The following CSF2RA variants were observed in gnomAD, a reference collection of about 807,000 sequenced individuals.
CSF2RA encodes the protein granulocyte-macrophage colony-stimulating factor receptor subunit alpha.
In CSF2RA, 42 loss-of-function variants were observed where a neutral mutation model predicts 51.6. The observed-to-expected ratio is 0.81, with a 90% CI of 0.64 to 1.05. The LOEUF (loss-of-function observed/expected upper bound fraction) is 1.05, where lower values mean the gene tolerates loss of function less well. Ranked by LOEUF, CSF2RA falls within the 50% of genes least tolerant of loss-of-function variation. The pLI is 0.00. For missense variants in CSF2RA, 530 were observed against 501.1 expected (o/e 1.06, Z -0.55); for synonymous variants, 222 against 193.0 (o/e 1.15, Z -1.24).
intron 7 of CSF2RA, among the ~76,000 whole-genome samples, chrX:1,293,607 G>C (rs2091610439): frequency 6.6e-6 from 1 of 152,130 alleles, no homozygotes; most frequent in Non-Finnish European, 1.5e-5. Flanking sequence ...GACAGGAGGA[G>C]ACCCTGCCCC....
At chrX:1,314,982 T>TCCCACTGCACCTGCCCAAC (rs2084504473), downstream of CSF2RA, among the ~76,000 whole-genome samples, 2 of 37,626 alleles carry the variant, frequency 5.3e-5, no homozygotes, top group East Asian at 1.7e-3. Flanking sequence ...GCCTGCCCAA[T>TCCCACTGCACCTGCCCAAC]CGCACTGCAC....
chrX:1,311,604 T>G (rs1569514273), downstream of CSF2RA, among the ~76,000 whole-genome samples: 1 of 151,994 alleles, frequency 6.6e-6, no homozygotes, highest in African/African-American at 2.4e-5. Flanking sequence ...CGGCTACTTT[T>G]TTTTGTTTTG....
At chrX:1,321,240 C>T in the CSF2RA span, among the ~76,000 whole-genome samples, 11 of 152,044 alleles carry the variant, frequency 7.2e-5, no homozygotes, top group Admixed American at 5.3e-4. Context: ...GAGGCCGAGG[C>T]GGGTGGATCA....
intron 12 of CSF2RA, among the ~76,000 whole-genome samples, chrX:1,309,173 T>C (rs1342297197): frequency 6.6e-6 from 1 of 151,906 alleles, no homozygotes; most frequent in Non-Finnish European, 1.5e-5. Context: ...ATCAGTCAAA[T>C]TTGTGGTGGC....
chrX:1,299,055 A>T (rs73177339), intron 9 of CSF2RA, among the ~76,000 whole-genome samples: 2,879 of 152,212 alleles, frequency 0.019, 44 homozygotes, highest in Non-Finnish European at 0.027. Context: ...GAGGATGCAG[A>T]TCTCACACGG....
At chrX:1,291,587 C>T (rs1254454164) in intron 7 of CSF2RA, among the ~76,000 whole-genome samples, 9 of 152,042 alleles carry the variant, frequency 5.9e-5, no homozygotes, top group African/African-American at 1.7e-4. Context: ...TCCCGTTGGA[C>T]GTTCCCAGCC....
At chrX:1,289,310 TAG>T (rs1275842945) in intron 6 of CSF2RA, among the ~76,000 whole-genome samples, 2 of 152,110 alleles carry the variant, frequency 1.3e-5, no homozygotes, top group Non-Finnish European at 2.9e-5. Context: ...GTATTTTTAG[TAG>T]AGACAGGGTT....
intron 2 of CSF2RA, among the ~76,000 whole-genome samples, chrX:1,280,552 G>A (rs2089779644): frequency 6.6e-6 from 1 of 151,884 alleles, no homozygotes; most frequent in Admixed American, 6.6e-5. Flanking sequence ...CAAAGTGGGG[G>A]CTTCCAGGCT....
chrX:1,304,578 C>G (rs1447002475), intron 11 of CSF2RA, among the ~76,000 whole-genome samples: 52 of 151,582 alleles, frequency 3.4e-4, no homozygotes, highest in African/African-American at 1.2e-3. Context: ...GGGCTGAGCT[C>G]CAGAGGGGAA....
intron 6 of CSF2RA, 43 bp downstream of exon 6, chrX:1,288,931 A>G (rs763863412): frequency 1.2e-6 from 2 of 1,611,376 alleles, no homozygotes; most frequent in African/African-American, 1.3e-5. Context: ...GAATGCAGGG[A>G]TGGGAGAAAA....
rs142203271 is a variant in CSF2RA at position 1,290,393 on chromosome X, G to A, written c.530G>A (p.Gly177Glu). The change falls in exon 7 of 13, where the codon GGA (glycine) becomes GAA (glutamate). Residue 177 changes from glycine to glutamate, a missense_variant. Transcript: ENST00000381529. ...ATACAAGACTCAGGAACCCATGTGG[G>A]ATGTCACCTGGATAACCTGTCAGGA... ...YYIQDSGTHVGCHLDNLSGLT... is the reference protein window; with the variant it reads ...YYIQDSGTHVECHLDNLSGLT... 3.7e-6 allele frequency: 6 copies of A among 1,613,188 alleles called. No homozygotes were observed. The African/African-American group carries it at 5.3e-5, about 14-fold the overall frequency.
At chrX:1,270,451 C>T (rs2088226894) in intron 1 of CSF2RA, among the ~76,000 whole-genome samples, 1 of 151,972 alleles carries the variant, frequency 6.6e-6, no homozygotes, top group East Asian at 1.9e-4. Flanking sequence ...GTTTCCCGGG[C>T]TGGTCTTGAA....
chrX:1,272,355 G>GT (rs55667486), intron 1 of CSF2RA, among the ~76,000 whole-genome samples: 2 of 149,410 alleles, frequency 1.3e-5, no homozygotes, highest in Admixed American at 6.7e-5. Context: ...TGAGACTACA[G>GT]AAGGATAGGG....
chrX:1,282,975 C>G (rs1397239760), intron 3 of CSF2RA, among the ~76,000 whole-genome samples, 196 bp downstream of exon 3: 1 of 152,126 alleles, frequency 6.6e-6, no homozygotes, highest in East Asian at 1.9e-4. Context: ...TAATTCCCAT[C>G]CACCCATTCT....
intron 9 of CSF2RA, among the ~76,000 whole-genome samples, chrX:1,299,151 A>C (rs1265645774): frequency 6.6e-6 from 1 of 152,148 alleles, no homozygotes; most frequent in African/African-American, 2.4e-5. Flanking sequence ...ATTTATGCTC[A>C]GCCTGTTCTA....
At chrX:1,315,953 TG>T in the CSF2RA span, among the ~76,000 whole-genome samples, 1 of 150,804 alleles carries the variant, frequency 6.6e-6, no homozygotes, top group Non-Finnish European at 1.5e-5. Flanking sequence ...AAATGATAGA[TG>T]ATAGATAAAT....
rs777124184 is a variant in CSF2RA, at chrX:1,288,793, T to G, written c.378T>G (p.Cys126Trp). ...REGTAAQNFSCFIYNADLMNC... is the reference protein window; with the variant it reads ...REGTAAQNFSWFIYNADLMNC... ...GTACCGCTGCTCAGAATTTCTCCTG[T>G]TTCATCTACAATGCGGATTTAATGA... The change falls in exon 6 of 13, where the codon TGT becomes TGG. Residue 126 changes from cysteine (C) to tryptophan (W), a missense_variant. Coordinates refer to ENST00000381529, the MANE Select transcript of CSF2RA (RefSeq NM_172245.4). 1 of 1,613,920 alleles carries G rather than the reference T, an allele frequency of 6.2e-7. No individual in the cohort carries two copies. The highest frequency in any genetic ancestry group is 1.1e-5 in the South Asian group (1 of 91,084).
chrX:1,307,797 A>G (rs771873228), intron 12 of CSF2RA, among the ~76,000 whole-genome samples: 71,272 of 82,020 alleles, frequency 0.87, 33,017 homozygotes, highest in Non-Finnish European at 0.94. Context: ...TTCCCTTTTT[A>G]GACCTTTGAC....
intron 9 of CSF2RA, among the ~76,000 whole-genome samples, chrX:1,299,729 G>C (rs28630558): frequency 0.65 from 98,421 of 151,824 alleles, 31,916 homozygotes; most frequent in Middle Eastern, 0.7. Context: ...ACCAGCCTGG[G>C]CAACATGGAG....
Sources: allele counts gnomAD v4.1 joint callset (sites outside exome capture counted in the v4.1 genomes callset), GRCh38; gene constraint gnomAD v4.1.1; transcripts MANE v1.5; gene names NCBI Gene and HGNC (gene_info 2026-07-23, HGNC 2026-07-21).